The following SLC2A9 variants were observed in gnomAD, a reference collection of about 807,000 sequenced individuals.
SLC2A9 encodes the protein solute carrier family 2, facilitated glucose transporter member 9.
A neutral mutation model predicts 50.6 loss-of-function variants in SLC2A9; 39 were observed. That is an observed-to-expected ratio of 0.77 (90% CI 0.60 to 1.01). The LOEUF is 1.01. Ranked by LOEUF, SLC2A9 falls within the 50% of genes least tolerant of loss-of-function variation. The pLI, the probability that SLC2A9 is intolerant of heterozygous loss-of-function variation, is 0.00. For synonymous variants in SLC2A9, 324 were observed against 276.9 expected (o/e 1.17, Z -1.69); for missense variants, 686 against 677.6 (o/e 1.01, Z -0.14).
intron 4 of SLC2A9, among the ~76,000 whole-genome samples, chr4:9,984,730 C>T (rs139343523): frequency 2.0e-3 from 300 of 152,350 alleles, no homozygotes; most frequent in African/African-American, 7.0e-3. Flanking sequence ...GTCCCCTTCT[C>T]TGCAGCTCCC....
At chr4:10,000,217 T>C (rs116274461) in intron 2 of SLC2A9, among the ~76,000 whole-genome samples, 2,680 of 152,298 alleles carry the variant, frequency 0.018, 73 homozygotes, top group African/African-American at 0.06. Context: ...CAGACCTCAG[T>C]GCACAAGATA....
chr4:9,826,051 T>C (rs1725078797), downstream of SLC2A9, among the ~76,000 whole-genome samples: 1 of 152,104 alleles, frequency 6.6e-6, no homozygotes, highest in Admixed American at 6.5e-5. Context: ...GATAAAGCAT[T>C]AACCTACTAT....
intron 5 of SLC2A9, among the ~76,000 whole-genome samples, chr4:9,963,519 GCGGA>G (rs1752603397): frequency 6.6e-6 from 1 of 152,196 alleles, no homozygotes; most frequent in African/African-American, 2.4e-5. Context: ...AGGTGGACAC[GCGGA>G]TGACCACCTG....
At chr4:9,778,483 C>T (rs534884035), downstream of SLC2A9, among the ~76,000 whole-genome samples, 1 of 151,978 alleles carries the variant, frequency 6.6e-6, no homozygotes, top group Non-Finnish European at 1.5e-5. Context: ...TTCCCTTTTA[C>T]TCTCCTATCC....
At chr4:9,849,586 T>C (rs566205727) in intron 10 of SLC2A9, among the ~76,000 whole-genome samples, 64 of 152,316 alleles carry the variant, frequency 4.2e-4, no homozygotes, top group African/African-American at 1.4e-3. Flanking sequence ...ATTACCATCC[T>C]GGACTGTCTG....
chr4:9,880,295 C>A (rs117694798), intron 10 of SLC2A9: 5 of 985,308 alleles, frequency 5.1e-6, no homozygotes, highest in Non-Finnish European at 6.0e-6. Context: ...TGCTAGCCAG[C>A]GAGGCCCAGG....
chr4:9,980,867 C>T (rs1755629047), intron 4 of SLC2A9, 130 bp from the exon 5 acceptor site: 2 of 1,185,664 alleles, frequency 1.7e-6, no homozygotes, highest in Admixed American at 1.9e-5. Context: ...GCATTTTTCC[C>T]AGCACTTAGC....
chr4:10,025,839 G>C, upstream of SLC2A9: 1 of 1,516,066 alleles, frequency 6.6e-7, no homozygotes, highest in Non-Finnish European at 9.1e-7. Context: ...CCAGGGGAAA[G>C]GGGTACTACC....
At chr4:9,782,492 C>A (rs1220933467) in intron 3 of SLC2A9, 2 of 1,613,870 alleles carry the variant, frequency 1.2e-6, no homozygotes, top group African/African-American at 1.3e-5. Flanking sequence ...GATGACTCAG[C>A]GCATGGCCTT....
intron 3 of SLC2A9, chr4:9,782,512 C>G: frequency 6.2e-7 from 1 of 1,613,980 alleles, no homozygotes; most frequent in Non-Finnish European, 8.5e-7. Flanking sequence ...TGGTCATGGT[C>G]GGCCTGGCAT....
intron 8 of SLC2A9, among the ~76,000 whole-genome samples, chr4:9,894,363 A>T (rs1738122226): frequency 6.6e-6 from 1 of 152,250 alleles, no homozygotes. Context: ...TATAATATCA[A>T]TTACAATTAT....
At chr4:9,781,118 T>C (rs1398724829) in intron 3 of SLC2A9, among the ~76,000 whole-genome samples, 3 of 152,152 alleles carry the variant, frequency 2.0e-5, no homozygotes, top group Non-Finnish European at 4.4e-5. Flanking sequence ...TAGGAGACAC[T>C]GTCTACTGGA....
rs544911423 is a variant in SLC2A9 at position 9,883,895 on chromosome 4, C to T, written c.1291+3672G>A. On this transcript the variant is annotated intron_variant, in intron 10 of 11. Transcript: ENST00000264784. The stretch of plus-strand genomic sequence containing the variant: ...TGCCAACTCTGCATCCAGGGCTGGC[C>T]ATGGGACTTGTCATCACCACTGGAA... Among the ~76,000 whole-genome samples the T allele has an allele frequency of 4.6e-5, 7 of 152,324 alleles. No homozygotes were observed. In the South Asian group the frequency reaches 8.3e-4, roughly 18 times the overall value.
intron 2 of SLC2A9, among the ~76,000 whole-genome samples, chr4:10,010,769 T>C (rs1277229703): frequency 6.6e-6 from 1 of 152,220 alleles, no homozygotes; most frequent in Non-Finnish European, 1.5e-5. Flanking sequence ...AGCCCTGAAC[T>C]GTCCCGCCCA....
At chr4:9,783,473 A>G in intron 3 of SLC2A9, 1 of 1,589,822 alleles carries the variant, frequency 6.3e-7, no homozygotes, top group Non-Finnish European at 8.6e-7. Context: ...AACTGCATTA[A>G]GAAACCCCCT....
intron 2 of SLC2A9, among the ~76,000 whole-genome samples, chr4:10,017,249 G>GA (rs1392243343): frequency 6.6e-6 from 1 of 152,174 alleles, no homozygotes; most frequent in African/African-American, 2.4e-5. Context: ...TTCTATCCCA[G>GA]GTGTAAGTTT....
intron 10 of SLC2A9, among the ~76,000 whole-genome samples, chr4:9,849,177 G>A (rs182271625): frequency 5.3e-5 from 8 of 152,274 alleles, no homozygotes; most frequent in Admixed American, 1.3e-4. Context: ...GGCAGAAGCT[G>A]TAGGCCTGTT....
intron 10 of SLC2A9, among the ~76,000 whole-genome samples, chr4:9,844,442 C>T (rs961299260): frequency 1.3e-5 from 2 of 152,176 alleles, no homozygotes; most frequent in Non-Finnish European, 2.9e-5. Context: ...TTATCTACTT[C>T]ATTAGTAATG....
chr4:10,005,626 T>C (rs1040943558), intron 2 of SLC2A9, among the ~76,000 whole-genome samples: 10 of 152,238 alleles, frequency 6.6e-5, no homozygotes, highest in African/African-American at 1.7e-4. Flanking sequence ...TCCAGAAGCA[T>C]TGATGTTACG....
Sources: gnomAD v4.1 joint callset for allele counts (sites outside exome capture counted in the v4.1 genomes callset) on GRCh38, gnomAD v4.1.1 for gene constraint, MANE v1.5 for transcripts, NCBI Gene and HGNC (gene_info 2026-07-23, HGNC 2026-07-21) for gene names.